Variants in MYH13 observed in about 807,000 individuals in gnomAD.
MYH13 encodes myosin heavy chain 13.
Under a neutral mutation model 232.1 loss-of-function variants are expected in MYH13, and 177 were observed. That is an observed-to-expected ratio of 0.76 (90% CI 0.67 to 0.86). The LOEUF (loss-of-function observed/expected upper bound fraction) is 0.86. MYH13 is among the 40% of genes least tolerant of loss of function. The pLI is 0.00. For synonymous variants in MYH13, 884 were observed against 923.5 expected (o/e 0.96, Z 0.78); for missense variants, 2,246 against 2,405.9 (o/e 0.93, Z 1.39).
chr17:10,324,365 AG>A (rs1307554486), intron 22 of MYH13, 101 bp from the exon 23 acceptor site: 1 of 1,442,728 alleles, frequency 6.9e-7, no homozygotes, highest in African/African-American at 1.4e-5. Flanking sequence ...ACCTAAGCCA[AG>A]AAATGGGTCA....
chr17:10,349,055 C>T (rs2071689479), intron 12 of MYH13, among the ~76,000 whole-genome samples: 1 of 149,414 alleles, frequency 6.7e-6, no homozygotes, highest in Non-Finnish European at 1.5e-5. Context: ...CTTCCCTTCC[C>T]TTCCTTTCCC....
intron 26 of MYH13, 86 bp downstream of exon 26, chr17:10,320,067 G>T: frequency 1.0e-6 from 1 of 963,286 alleles, no homozygotes; most frequent in Non-Finnish European, 1.6e-6. Flanking sequence ...AAGGAAAGAA[G>T]CAGCTAAAGA....
chr17:10,343,888 G>A lies in MYH13; in HGVS notation c.1806C>T (p.Pro602=), dbSNP rs774277331. Residue 602 remains proline (P), a synonymous_variant, in exon 16 of 41, where the codon CCC becomes CCT. Transcript: ENST00000252172. ...IAGWLDKNKD[P]LNETVVGLYQ... ...ACAGCCCCACCACAGTCTCGTTCAG[G>A]GGGTCCTTGTTTTTGTCCAGCCAGC... is the stretch of plus-strand genomic sequence containing the variant. 1 of 1,614,098 alleles carries A rather than the reference G, an allele frequency of 6.2e-7. No individual in the cohort carries two copies. The highest frequency in any genetic ancestry group is 1.3e-5 in the African/African-American group (1 of 74,926).
At chr17:10,314,036 C>T (rs1567657519) in intron 29 of MYH13, among the ~76,000 whole-genome samples, 1 of 152,196 alleles carries the variant, frequency 6.6e-6, no homozygotes, top group Non-Finnish European at 1.5e-5. Flanking sequence ...TTAGCTCCGA[C>T]TATAATGGCC....
intron 12 of MYH13, among the ~76,000 whole-genome samples, chr17:10,349,804 C>T (rs1466107280): frequency 6.6e-6 from 1 of 152,156 alleles, no homozygotes; most frequent in East Asian, 1.9e-4. Flanking sequence ...TTTATGGCTG[C>T]ACTTCCTTTT....
intron 26 of MYH13, among the ~76,000 whole-genome samples, 183 bp downstream of exon 26, chr17:10,319,970 A>G (rs1046596457): frequency 9.9e-5 from 15 of 152,174 alleles, no homozygotes; most frequent in Non-Finnish European, 1.9e-4. Context: ...GCAAGGAAGT[A>G]TGTTTATGGG....
chr17:10,318,752 C>T, intron 27 of MYH13, 38 bp downstream of exon 27: 1 of 1,610,286 alleles, frequency 6.2e-7, no homozygotes. Context: ...CCGTCGGCTG[C>T]CTTGCATTCT....
chr17:10,319,858 CAATT>C (rs1181618044), intron 26 of MYH13, among the ~76,000 whole-genome samples: 1 of 152,128 alleles, frequency 6.6e-6, no homozygotes, highest in African/African-American at 2.4e-5. Context: ...GTGAAATTGG[CAATT>C]AATTCTCAGA....
Position 10,306,665 on chromosome 17 carries a change from C to G in MYH13, c.5296-36G>C. On this transcript the variant is annotated intron_variant, in intron 36 of 40. Coordinates refer to ENST00000252172, the MANE Select transcript of MYH13 (RefSeq NM_003802.3). This position sits in a 1 kb window ranked among gnomAD's most constrained non-coding sequence, Gnocchi z 4.3. ...TCACAGGACACATCAGAGGCCCTGT[C>G]CGCCCATCCCTACCCAGAGCTTGCA... 6.2e-7 allele frequency: 1 copy of G among 1,612,004 alleles called. No individual in the cohort carries two copies. The highest frequency in any genetic ancestry group is 8.5e-7 in the Non-Finnish European group (1 of 1,179,320).
chr17:10,320,558 C>T (rs768966188), intron 24 of MYH13, 62 bp from the exon 25 acceptor site: 16 of 1,549,502 alleles, frequency 1.0e-5, no homozygotes, highest in Non-Finnish European at 1.4e-5. Context: ...CCCGTTTATC[C>T]AGTGTAGCCA....
intron 15 of MYH13, among the ~76,000 whole-genome samples, chr17:10,344,668 A>G (rs1225360604): frequency 2.6e-5 from 4 of 151,720 alleles, no homozygotes; most frequent in Admixed American, 1.3e-4. Context: ...AAAGAAAAAA[A>G]AAATTATCTG....
chr17:10,342,463 G>C (rs561820800), intron 16 of MYH13, among the ~76,000 whole-genome samples: 1 of 152,044 alleles, frequency 6.6e-6, no homozygotes, highest in Non-Finnish European at 1.5e-5. Context: ...TATATATACC[G>C]TGTATACCCA....
chr17:10,303,626 A>G (rs1329862446), intron 37 of MYH13, 128 bp from the exon 38 acceptor site: 16 of 739,092 alleles, frequency 2.2e-5, no homozygotes, highest in Non-Finnish European at 3.7e-5. Flanking sequence ...AGGAAACAAC[A>G]GATGCTGGAG....
chr17:10,350,260 A>G (rs1401641777), intron 12 of MYH13, among the ~76,000 whole-genome samples: 1 of 152,186 alleles, frequency 6.6e-6, no homozygotes, highest in Non-Finnish European at 1.5e-5. Flanking sequence ...TGTCTCAAAA[A>G]AGTCCACCTT....
intron 27 of MYH13, chr17:10,317,385 C>A: frequency 6.5e-6 from 1 of 152,844 alleles, no homozygotes. Flanking sequence ...AGTGAAGAAG[C>A]AATCAAGGAG....
At chr17:10,365,154 C>T (rs982324264) in intron 2 of MYH13, among the ~76,000 whole-genome samples, 11 of 152,144 alleles carry the variant, frequency 7.2e-5, no homozygotes, top group African/African-American at 2.4e-4. Context: ...GGATTACAGG[C>T]GTGAGCCACC....
At chr17:10,320,871 G>T (rs934314721) in intron 24 of MYH13, among the ~76,000 whole-genome samples, 1 of 152,190 alleles carries the variant, frequency 6.6e-6, no homozygotes, top group Admixed American at 6.5e-5. Context: ...ACACCATCAC[G>T]CCTTGCCTGC....
Position 10,312,706 on chromosome 17 carries a change from C to CGCCGTCTCCGTGTTCTCCTCT in MYH13, c.4212_4232dup (p.Glu1405_Ala1411dup). 1 of 1,613,596 alleles carries CGCCGTCTCCGTGTTCTCCTCT rather than the reference C, an allele frequency of 6.2e-7. No homozygotes were observed. The highest frequency in any genetic ancestry group is 8.5e-7 in the Non-Finnish European group (1 of 1,179,794). ...TCTCCAACGATGCGCACTTGGAGTT[C>CGCCGTCTCCGTGTTCTCCTCT]GCCGTCTCCGTGTTCTCCTCTGCTT... On this transcript the variant is annotated inframe_insertion, in exon 31 of 41. Transcript: ENST00000252172.
intron 1 of MYH13, among the ~76,000 whole-genome samples, chr17:10,371,709 G>A (rs2071879030): frequency 6.6e-6 from 1 of 152,170 alleles, no homozygotes; most frequent in South Asian, 2.1e-4. Flanking sequence ...GGTCAGGGAA[G>A]AAAGAAAGTA....
Sources: gnomAD v4.1 joint callset for allele counts (sites outside exome capture counted in the v4.1 genomes callset) on GRCh38, gnomAD v4.1.1 for gene constraint, Gnocchi (gnomAD v3.1) non-coding constraint, MANE v1.5 for transcripts, NCBI Gene and HGNC (gene_info 2026-07-23, HGNC 2026-07-21) for gene names.